EDA: variants seen among roughly 807,000 people sequenced by gnomAD.
EDA encodes ectodysplasin-A.
EDA carries 2 observed loss-of-function variants against 23.6 expected under a neutral mutation model. The ratio of observed to expected loss-of-function variants is 0.08; its 90% confidence interval spans 0.03 to 0.27. The LOEUF is 0.27. EDA is among the 10% of genes least tolerant of loss of function. The pLI, the probability that EDA is intolerant of heterozygous loss-of-function variation, is 1.00. For synonymous variants in EDA, 131 were observed against 132.0 expected (o/e 0.99, Z 0.05); for missense variants, 229 against 324.2 (o/e 0.71, Z 2.26).
intron 2 of EDA, among the ~76,000 whole-genome samples, chrX:70,012,762 C>A (rs1211816658): frequency 8.9e-6 from 1 of 112,444 alleles, no homozygotes; most frequent in Non-Finnish European, 1.9e-5. Flanking sequence ...GAAAAGCAGC[C>A]AGACTGTTTT....
At chrX:69,682,324 C>T (rs1190239323) in intron 1 of EDA, among the ~76,000 whole-genome samples, 1 of 112,656 alleles carries the variant, frequency 8.9e-6, no homozygotes, top group Non-Finnish European at 1.9e-5. Flanking sequence ...GCAGGCAGGC[C>T]TCCTTGAGCT....
chrX:69,861,103 C>A, intron 1 of EDA: 1 of 394,902 alleles, frequency 2.5e-6, no homozygotes, highest in Non-Finnish European at 4.5e-6. Context: ...AAGGAAACTT[C>A]CAAAAGATGT....
At chrX:69,639,361 T>C (rs1361916822) in intron 1 of EDA, among the ~76,000 whole-genome samples, 1 of 111,988 alleles carries the variant, frequency 8.9e-6, no homozygotes, top group East Asian at 2.8e-4. Flanking sequence ...CCATAATTTT[T>C]GAATAATTTT....
intron 1 of EDA, among the ~76,000 whole-genome samples, chrX:69,722,452 C>T (rs1021460481): frequency 8.1e-5 from 9 of 110,884 alleles, no homozygotes; most frequent in Admixed American, 3.9e-4. Context: ...GTGATCTGCC[C>T]GCCTCAGCCT....
intron 1 of EDA, among the ~76,000 whole-genome samples, chrX:69,856,253 T>TGG (rs1555890833): frequency 9.0e-3 from 527 of 58,656 alleles, no homozygotes; most frequent in South Asian, 0.029. Context: ...TAGTATTCCA[T>TGG]GGTGTGTGTG....
intron 1 of EDA, among the ~76,000 whole-genome samples, chrX:69,956,275 C>CT (rs1429732632): frequency 2.5e-5 from 1 of 39,425 alleles, no homozygotes; most frequent in Admixed American, 2.2e-4. Context: ...TCAAGGTTTT[C>CT]TTTCTTTCTT....
chrX:70,023,142 C>A, intron 2 of EDA, 76 bp from the exon 3 acceptor site: 1 of 709,595 alleles, frequency 1.4e-6, no homozygotes, highest in East Asian at 3.5e-5. Context: ...GGGATCCCTC[C>A]TAGTGACTAT....
intron 1 of EDA, among the ~76,000 whole-genome samples, chrX:69,678,752 A>G (rs1323210171): frequency 3.0e-5 from 3 of 98,500 alleles, no homozygotes; most frequent in Non-Finnish European, 6.0e-5. Flanking sequence ...TACATATACA[A>G]TCATGTCGTC....
chrX:69,707,311 A>T (rs1275647908), intron 1 of EDA, among the ~76,000 whole-genome samples: 1 of 112,282 alleles, frequency 8.9e-6, no homozygotes, highest in Non-Finnish European at 1.9e-5. Flanking sequence ...TCCACCATGG[A>T]AATATTCTTT....
intron 2 of EDA, among the ~76,000 whole-genome samples, chrX:69,975,893 T>G (rs190648214): frequency 9.8e-5 from 11 of 111,916 alleles, no homozygotes; most frequent in African/African-American, 3.6e-4. Flanking sequence ...TAATAGAAAT[T>G]TTTAAATTAC....
At chrX:69,870,811 T>C (rs2017554937) in intron 1 of EDA, among the ~76,000 whole-genome samples, 1 of 111,628 alleles carries the variant, frequency 9.0e-6, no homozygotes, top group African/African-American at 3.3e-5. Flanking sequence ...ACCACTCGTA[T>C]AGTAAGAGCT....
intron 1 of EDA, among the ~76,000 whole-genome samples, chrX:69,679,633 G>A (rs1438716162): frequency 9.0e-6 from 1 of 111,584 alleles, no homozygotes; most frequent in Non-Finnish European, 1.9e-5. Context: ...ATTCTCTGAT[G>A]GTAGTTTGTA....
Position 69,998,272 on chromosome X carries a change from GT to G in EDA, c.503-24945del, listed in dbSNP as rs1159840277. On this transcript the variant is annotated intron_variant, in intron 2 of 7. Coordinates refer to ENST00000374552, the MANE Select transcript of EDA (RefSeq NM_001399.5). ...GCATCAGCTGGATATGAGACATGGA[GT>G]CAAAGGAGATCATTTCGGTACTTTA... is the stretch of plus-strand genomic sequence containing the variant. 2.7e-5 allele frequency among the ~76,000 whole-genome samples: 3 copies of G among 112,684 alleles called. No individual in the cohort carries two copies. In the East Asian group the frequency reaches 8.5e-4, roughly 32 times the overall value.
chrX:69,645,602 G>GTATA (rs1182043625), intron 1 of EDA, among the ~76,000 whole-genome samples: 4 of 36,856 alleles, frequency 1.1e-4, no homozygotes, highest in Middle Eastern at 8.1e-3. Flanking sequence ...ATGTGTGTGT[G>GTATA]TATATATATA....
intron 1 of EDA, among the ~76,000 whole-genome samples, chrX:69,710,078 A>G (rs1483421259): frequency 2.7e-5 from 3 of 111,516 alleles, no homozygotes; most frequent in Non-Finnish European, 5.7e-5. Context: ...GCCCATGCCT[A>G]TGTCCTGAAT....
chrX:69,682,461 T>G (rs889669415), intron 1 of EDA, among the ~76,000 whole-genome samples: 21 of 112,258 alleles, frequency 1.9e-4, no homozygotes, highest in African/African-American at 5.5e-4. Context: ...TGCTGTGCTA[T>G]CAATCAGCGA....
intron 1 of EDA, among the ~76,000 whole-genome samples, chrX:69,733,495 G>T (rs1179296810): frequency 1.8e-5 from 2 of 111,926 alleles, no homozygotes; most frequent in African/African-American, 6.5e-5. Context: ...TGCTGTTTTG[G>T]TTACTGTGGC....
chrX:69,817,838 T>C (rs1391970246), intron 1 of EDA, among the ~76,000 whole-genome samples: 1 of 111,384 alleles, frequency 9.0e-6, no homozygotes, highest in Non-Finnish European at 1.9e-5. Flanking sequence ...CAAAAAAATA[T>C]TCAGGACCTG....
At chrX:69,634,392 G>A (rs1293373222) in intron 1 of EDA, among the ~76,000 whole-genome samples, 1 of 110,834 alleles carries the variant, frequency 9.0e-6, no homozygotes, top group African/African-American at 3.3e-5. Context: ...GGCTCACTGC[G>A]ACCTCCATCT....
Sources: gnomAD v4.1 joint callset for allele counts (sites outside exome capture counted in the v4.1 genomes callset) on GRCh38, gnomAD v4.1.1 for gene constraint, MANE v1.5 for transcripts, NCBI Gene and HGNC (gene_info 2026-07-23, HGNC 2026-07-21) for gene names.